The following FOXP1 variants were observed in gnomAD, a reference collection of about 807,000 sequenced individuals.
FOXP1 encodes forkhead box P1.
A neutral mutation model predicts 98.2 loss-of-function variants in FOXP1; 15 were observed. The ratio of observed to expected loss-of-function variants is 0.15; its 90% CI spans 0.10 to 0.24. The LOEUF is 0.24. Ranked by LOEUF, FOXP1 falls within the 10% of genes least tolerant of loss-of-function variation. The pLI, the probability that FOXP1 is intolerant of heterozygous loss-of-function variation, is 1.00. For missense variants in FOXP1, 633 were observed against 848.5 expected (o/e 0.75, Z 3.15); for synonymous variants, 371 against 314.5 (o/e 1.18, Z -1.90).
chr3:71,193,339 G>A (rs1404300814), intron 6 of FOXP1, among the ~76,000 whole-genome samples: 5 of 128,590 alleles, frequency 3.9e-5, no homozygotes, highest in South Asian at 2.4e-4. Flanking sequence ...TAGTAGAGGC[G>A]GGGTTTCACC....
At chr3:71,112,312 T>C (rs552839061) in intron 7 of FOXP1, among the ~76,000 whole-genome samples, 2 of 152,310 alleles carry the variant, frequency 1.3e-5, no homozygotes, top group East Asian at 3.9e-4. Flanking sequence ...CTCCTTATCC[T>C]TCTATTATAT....
intron 3 of FOXP1, among the ~76,000 whole-genome samples, chr3:71,363,879 T>A (rs977823070): frequency 1.3e-5 from 2 of 152,216 alleles, no homozygotes; most frequent in African/African-American, 4.8e-5. Flanking sequence ...CCCTGCCTAA[T>A]GACTGCTTTC....
chr3:71,180,924 G>C (rs1378363823), intron 6 of FOXP1, among the ~76,000 whole-genome samples: 1 of 152,160 alleles, frequency 6.6e-6, no homozygotes, highest in Non-Finnish European at 1.5e-5. Flanking sequence ...AGGTATGGTG[G>C]AGAAATTCTG....
intron 6 of FOXP1, among the ~76,000 whole-genome samples, chr3:71,115,397 T>C (rs1259734912): frequency 1.3e-5 from 2 of 151,772 alleles, no homozygotes; most frequent in African/African-American, 4.8e-5. Context: ...AGTGCAGTGG[T>C]GCAATCTCAG....
At chr3:71,331,822 T>G (rs1349045060) in intron 4 of FOXP1, among the ~76,000 whole-genome samples, 1 of 152,142 alleles carries the variant, frequency 6.6e-6, no homozygotes, top group East Asian at 1.9e-4. Flanking sequence ...AACACACCAA[T>G]CAGCACCCTG....
At chr3:71,550,023 G>A (rs1326112589) in intron 2 of FOXP1, among the ~76,000 whole-genome samples, 8 of 152,050 alleles carry the variant, frequency 5.3e-5, no homozygotes, top group Admixed American at 4.6e-4. Flanking sequence ...ACAAATGTCA[G>A]ACAAGTTCAT....
At chr3:71,421,641 C>A (rs1215038731) in intron 3 of FOXP1, among the ~76,000 whole-genome samples, 2 of 152,098 alleles carry the variant, frequency 1.3e-5, no homozygotes, top group Non-Finnish European at 2.9e-5. Context: ...GAGACACCTG[C>A]GTAGTGAATG....
chr3:71,491,756 C>A (rs750056479), intron 3 of FOXP1, among the ~76,000 whole-genome samples: 1 of 152,268 alleles, frequency 6.6e-6, no homozygotes, highest in Admixed American at 6.5e-5. Context: ...CCGGTTGCTT[C>A]ACTATGAACA....
intron 2 of FOXP1, among the ~76,000 whole-genome samples, chr3:71,528,840 G>A (rs1020500347): frequency 6.6e-6 from 1 of 152,176 alleles, no homozygotes; most frequent in Non-Finnish European, 1.5e-5. Context: ...GGTTAGGTAT[G>A]AAAGAAGGAA....
At chr3:71,013,500 G>C (rs1437333127) in intron 12 of FOXP1, among the ~76,000 whole-genome samples, 1 of 152,096 alleles carries the variant, frequency 6.6e-6, no homozygotes, top group Non-Finnish European at 1.5e-5. Context: ...AAATAAAAGA[G>C]GATACAAACA....
At chr3:71,427,884 A>G (rs1407033989) in intron 3 of FOXP1, among the ~76,000 whole-genome samples, 4 of 152,338 alleles carry the variant, frequency 2.6e-5, no homozygotes, top group Admixed American at 1.3e-4. Context: ...AGAAATGCCT[A>G]TGTGGAGATC....
intron 14 of FOXP1, among the ~76,000 whole-genome samples, chr3:70,981,191 C>CAAAAAAA (rs71104406): frequency 1.3e-4 from 8 of 59,962 alleles, no homozygotes; most frequent in South Asian, 9.9e-4. Flanking sequence ...CTCTTTCTAC[C>CAAAAAAA]AAAAAAAAAA....
intron 3 of FOXP1, among the ~76,000 whole-genome samples, chr3:71,437,235 C>A (rs1290760869): frequency 1.3e-5 from 2 of 152,032 alleles, no homozygotes; most frequent in African/African-American, 4.8e-5. Context: ...GATGAAAACC[C>A]GTCTCTATGA....
intron 5 of FOXP1, among the ~76,000 whole-genome samples, chr3:71,297,336 T>C (rs1388689125): frequency 3.9e-5 from 6 of 152,124 alleles, no homozygotes; most frequent in African/African-American, 1.2e-4. Context: ...TTCCAATTTT[T>C]CCCTTGACCT....
chr3:71,416,342 C>A (rs1452280583), intron 3 of FOXP1, among the ~76,000 whole-genome samples: 1 of 151,740 alleles, frequency 6.6e-6, no homozygotes, highest in Non-Finnish European at 1.5e-5. Context: ...TCGAGACCAA[C>A]CTGGGAAATA....
chr3:71,085,312 T>TA (rs200406422), intron 7 of FOXP1, among the ~76,000 whole-genome samples: 11 of 151,768 alleles, frequency 7.2e-5, no homozygotes, highest in Non-Finnish European at 1.3e-4. Context: ...TCAGCTAATT[T>TA]AAAAAAAAAT....
At chr3:71,496,722 G>A (rs546079144) in intron 2 of FOXP1, among the ~76,000 whole-genome samples, 16 of 151,962 alleles carry the variant, frequency 1.1e-4, no homozygotes, top group Non-Finnish European at 2.4e-4. Context: ...CAGAAGAATC[G>A]CTTGATCCAG....
rs1223372199 is a variant in FOXP1 at position 71,034,029 on chromosome 3, C to T, written c.869+7299G>A. Among the ~76,000 whole-genome samples the T allele has an allele frequency of 2.0e-5, 3 of 152,130 alleles. No homozygotes were observed. The East Asian group carries it at 5.8e-4, about 29-fold the overall frequency. ...CTTAGGCCTCTGCAGTTAGCCACACCTGGTCCTCTTTCCGGTCCCCTACAC... is the reference window on the plus strand; with the variant it reads ...CTTAGGCCTCTGCAGTTAGCCACACTTGGTCCTCTTTCCGGTCCCCTACAC... On this transcript the variant is annotated intron_variant, in intron 11 of 20. Transcript: ENST00000649528.
intron 3 of FOXP1, among the ~76,000 whole-genome samples, chr3:71,491,809 A>G (rs1184669284): frequency 1.3e-5 from 2 of 152,354 alleles, no homozygotes; most frequent in African/African-American, 4.8e-5. Flanking sequence ...TTTAATGTAT[A>G]CAAGGGGAAG....
Sources: gnomAD v4.1 joint callset for allele counts (sites outside exome capture counted in the v4.1 genomes callset) on GRCh38, gnomAD v4.1.1 for gene constraint, MANE v1.5 for transcripts, NCBI Gene and HGNC (gene_info 2026-07-23, HGNC 2026-07-21) for gene names.